The following PRDM9 variants were observed in gnomAD, a reference collection of about 807,000 sequenced individuals.
The protein encoded by PRDM9 is PR/SET domain 9, also known as histone-lysine N-methyltransferase PRDM9.
In PRDM9, 47 loss-of-function variants were observed where a neutral mutation model predicts 55.6. That is an observed-to-expected ratio of 0.85 (90% CI 0.67 to 1.08). The LOEUF (loss-of-function observed/expected upper bound fraction) is 1.08, where lower values mean the gene tolerates loss of function less well. Among genes scored for constraint, PRDM9 ranks in the 50% least tolerant of loss-of-function variants. The pLI, the probability that PRDM9 is intolerant of heterozygous loss-of-function variation, is 0.00. For missense variants in PRDM9, 867 were observed against 1,040.3 expected, an observed-to-expected ratio of 0.83 and a Z score of 2.29; for synonymous variants, 312 against 375.7, an observed-to-expected ratio of 0.83 and a Z score of 1.96.
At chr5:23,509,399 A>T in intron 2 of PRDM9, 71 bp from the exon 3 acceptor site, 4 of 1,610,454 alleles carry the variant, frequency 2.5e-6, no homozygotes, top group Non-Finnish European at 3.4e-6. Flanking sequence ...TGTCCTACAC[A>T]CAGGGTAGAG....
At position 23,510,014 on chromosome 5, in the gene PRDM9, C is replaced by T. The variant is rs201590420; in HGVS notation, c.288C>T (p.Thr96=). Residue 96 remains threonine, a synonymous_variant, in exon 4 of 11, where the codon ACC becomes ACT. Coordinates refer to ENST00000296682, the MANE Select transcript of PRDM9 (RefSeq NM_020227.4). Reference sequence around the variant, plus strand: ...CAGAAGATTCTGATGAAGAATGGACCCCTAGGCAGCAAGGTAAGAGGGAAG... The same window carrying T: ...CAGAAGATTCTGATGAAGAATGGACTCCTAGGCAGCAAGGTAAGAGGGAAG... ...DDTEDSDEEW[T]PRQQVKPPWM... The T allele has an allele frequency of 6.2e-7, 1 of 1,613,388 alleles. No individual in the cohort carries two copies.
chr5:23,526,145 T>A, intron 10 of PRDM9, 88 bp from the exon 11 acceptor site: 1 of 1,425,748 alleles, frequency 7.0e-7, no homozygotes, highest in Non-Finnish European at 9.9e-7. Flanking sequence ...ATATGAAGAA[T>A]GATTGTTTCT....
Position 23,522,687 on chromosome 5 carries a change from T to G in PRDM9, c.684T>G (p.Ser228Arg). The change falls in exon 8 of 11, where the codon AGT becomes AGG. Residue 228 changes from serine to arginine, a missense_variant. This residue lies in a region of PRDM9 where 662 missense variants were observed against 711.9 expected (regional missense o/e 0.93). Coordinates refer to ENST00000296682, the MANE Select transcript of PRDM9 (RefSeq NM_020227.4). ...AHGPPTFVKD[S>R]AVDKGHPNRS... ...GGCCCCCTACATTTGTAAAGGACAG[T>G]GCAGTGGACAAGGGGCACCCCAACC... is the stretch of plus-strand genomic sequence containing the variant. 1 of 1,614,198 alleles carries G rather than the reference T, an allele frequency of 6.2e-7. No homozygotes were observed. The highest frequency in any genetic ancestry group is 2.2e-5 in the East Asian group (1 of 44,864).
At chr5:23,519,577 C>A (rs1291965548) in intron 5 of PRDM9, among the ~76,000 whole-genome samples, 2 of 149,146 alleles carry the variant, frequency 1.3e-5, no homozygotes, top group Non-Finnish European at 3.0e-5. Context: ...CTAGACTGGT[C>A]TCAAAACTCC....
chr5:23,523,219 GA>G, intron 8 of PRDM9, 71 bp from the exon 9 acceptor site: 1 of 1,528,280 alleles, frequency 6.5e-7, no homozygotes, highest in Non-Finnish European at 9.1e-7. Context: ...GGCCATTGAC[GA>G]CAGTGGAGTA....
chr5:23,510,209 T>C (rs576839585), intron 4 of PRDM9, among the ~76,000 whole-genome samples, 182 bp downstream of exon 4: 2 of 151,810 alleles, frequency 1.3e-5, no homozygotes, highest in South Asian at 4.2e-4. Flanking sequence ...CATCCACCAC[T>C]ACGCCCAGCT....
In PRDM9 at chr5:23,517,912, A is replaced by G; in HGVS notation, c.333A>G (p.Glu111=). The G allele has an allele frequency of 6.2e-7, 1 of 1,601,232 alleles. No individual in the cohort carries two copies. The highest frequency in any genetic ancestry group is 1.1e-5 in the South Asian group (1 of 90,812). ...VKPPWMALRV[E]QRKHQKGMPK... ...CTCCTTGGATGGCCTTAAGAGTGGA[A>G]CAGCGTAAACACCAGAAGGTAAGTA... Residue 111 remains glutamate, a synonymous_variant, in exon 5 of 11, where the codon GAA becomes GAG. Transcript: ENST00000296682.
chr5:23,512,613 A>C (rs569428180), intron 4 of PRDM9, among the ~76,000 whole-genome samples: 1 of 152,292 alleles, frequency 6.6e-6, no homozygotes, highest in East Asian at 1.9e-4. Flanking sequence ...AATTTAAGTT[A>C]ATTTATTTTT....
At chr5:23,519,491 C>T (rs1165567278) in intron 5 of PRDM9, among the ~76,000 whole-genome samples, 1 of 152,052 alleles carries the variant, frequency 6.6e-6, no homozygotes, top group Non-Finnish European at 1.5e-5. Context: ...GCCTCAGCCT[C>T]CCAAGTAGCT....
intron 4 of PRDM9, among the ~76,000 whole-genome samples, chr5:23,515,045 C>T: frequency 6.6e-6 from 1 of 151,312 alleles, no homozygotes; most frequent in East Asian, 1.9e-4. Context: ...CTCACTGCAA[C>T]CTACACCTCC....
In PRDM9 at chr5:23,510,212, G is replaced by T. The variant is rs7718359; in HGVS notation, c.301+185G>T. ...TGGGATTACAAGCATCCACCACTAC[G>T]CCCAGCTAATTTTTTGTAAATTTTT... On this transcript the variant is annotated intron_variant, in intron 4 of 10. Transcript: ENST00000296682. Among the ~76,000 whole-genome samples the T allele has an allele frequency of 0.21, 32,057 of 151,430 alleles. 3,664 individuals carry two copies. Among genetic ancestry groups the T allele is most frequent in the East Asian group, 0.37 (1,909 of 5,118 alleles).
intron 10 of PRDM9, 60 bp downstream of exon 10, chr5:23,524,587 T>G (rs1739396724): frequency 6.2e-7 from 1 of 1,610,034 alleles, no homozygotes; most frequent in Non-Finnish European, 8.5e-7. Flanking sequence ...CTAGAGAATT[T>G]TCATGGTTTA....
Position 23,509,033 on chromosome 5 carries a change from C to T in PRDM9, c.-1C>T. On this transcript the variant is annotated 5_prime_UTR_variant, in exon 2 of 11. Coordinates refer to ENST00000296682, the MANE Select transcript of PRDM9 (RefSeq NM_020227.4). ...AGGGCCTTCTAGACAGTCCCAGCAC[C>T]ATGAGCCCTGAAAAGTCCCAAGAGG... is the stretch of plus-strand genomic sequence containing the variant. The T allele has an allele frequency of 1.9e-6, 3 of 1,614,018 alleles. No homozygotes were observed. The highest frequency in any genetic ancestry group is 1.7e-6 in the Non-Finnish European group (2 of 1,179,978).
chr5:23,512,136 A>G (rs1371507535), intron 4 of PRDM9, among the ~76,000 whole-genome samples: 2 of 152,220 alleles, frequency 1.3e-5, no homozygotes, highest in East Asian at 1.9e-4. Flanking sequence ...AAGTAAAGAT[A>G]TATCATTTAT....
rs765132334 is a variant in PRDM9, at chr5:23,522,691, G to A, written c.688G>A (p.Val230Met). ...CCCTACATTTGTAAAGGACAGTGCA[G>A]TGGACAAGGGGCACCCCAACCGTTC... ...GPPTFVKDSAVDKGHPNRSAL... is the reference protein window; with the variant it reads ...GPPTFVKDSAMDKGHPNRSAL... The change falls in exon 8 of 11, where the codon GTG (valine) becomes ATG (methionine). Residue 230 changes from valine (V) to methionine (M), a missense_variant. This residue lies in a region of PRDM9 where 662 missense variants were observed against 711.9 expected (regional missense o/e 0.93). Transcript: ENST00000296682. 12 of 1,614,102 alleles carry A rather than the reference G, an allele frequency of 7.4e-6. No homozygotes were observed. The highest frequency in any genetic ancestry group is 1.3e-5 in the African/African-American group (1 of 74,934).
intron 3 of PRDM9, among the ~76,000 whole-genome samples, 162 bp from the exon 4 acceptor site, chr5:23,509,758 T>TCC (rs915071495): frequency 4.1e-4 from 63 of 152,224 alleles, no homozygotes; most frequent in African/African-American, 1.5e-3. Flanking sequence ...CAGGGCTGAG[T>TCC]GTGGATATTG....
chr5:23,518,424 G>A (rs570274022), intron 5 of PRDM9, among the ~76,000 whole-genome samples: 49 of 152,204 alleles, frequency 3.2e-4, no homozygotes, highest in African/African-American at 8.7e-4. Flanking sequence ...TACATCATTC[G>A]TCCAACTGAC....
intron 10 of PRDM9, 43 bp downstream of exon 10, chr5:23,524,570 A>T: frequency 6.2e-7 from 1 of 1,611,340 alleles, no homozygotes; most frequent in Non-Finnish European, 8.5e-7. Context: ...GGAAAGAAAG[A>T]ATTATCCTAG....
chr5:23,528,058 C>A lies in PRDM9; in HGVS notation c.*285C>A. The stretch of plus-strand genomic sequence containing the variant: ...CATTTTTTGTTTGTTTTTTTGCCTC[C>A]TGTTCTAATAAATTTTGTCTCCATA... On this transcript the variant is annotated 3_prime_UTR_variant, in exon 11 of 11. Coordinates refer to ENST00000296682, the MANE Select transcript of PRDM9 (RefSeq NM_020227.4). The A allele has an allele frequency of 1.9e-6, 1 of 528,590 alleles. No individual in the cohort carries two copies. The highest frequency in any genetic ancestry group is 3.4e-6 in the Non-Finnish European group (1 of 295,898). The allele number at this position is 528,590 out of a possible 1,614,324, so 32.7% of individuals were successfully genotyped here.
Sources: gnomAD v4.1 joint callset for allele counts (sites outside exome capture counted in the v4.1 genomes callset) on GRCh38, gnomAD v4.1.1 for gene constraint, gnomAD v4.1.1 regional missense constraint, MANE v1.5 for transcripts, NCBI Gene and HGNC (gene_info 2026-07-23, HGNC 2026-07-21) for gene names.